Variants in NCMAP observed in about 807,000 individuals in gnomAD.
NCMAP encodes noncompact myelin-associated protein.
Under a neutral mutation model 7.8 loss-of-function variants are expected in NCMAP, and 8 were observed. The ratio of observed to expected loss-of-function variants is 1.02; its 90% CI spans 0.60 to 1.84. The LOEUF (loss-of-function observed/expected upper bound fraction) is 1.84. Ranked by LOEUF, NCMAP falls within the 40% of genes most tolerant of loss-of-function variation. The pLI is 0.00. For missense variants in NCMAP, 112 were observed against 131.4 expected, an observed-to-expected ratio of 0.85 and a Z score of 0.72; for synonymous variants, 41 against 52.9, an observed-to-expected ratio of 0.78 and a Z score of 0.98.
chr1:24,605,278 GA>G (rs1343196206), intron 3 of NCMAP, among the ~76,000 whole-genome samples: 1 of 152,036 alleles, frequency 6.6e-6, no homozygotes, highest in Non-Finnish European at 1.5e-5. Context: ...AATGAGGCTG[GA>G]AAATGTAATA....
chr1:24,567,622 A>C (rs571992015), intron 1 of NCMAP, among the ~76,000 whole-genome samples: 1 of 152,304 alleles, frequency 6.6e-6, no homozygotes, highest in African/African-American at 2.4e-5. Flanking sequence ...AGGAGTCGCA[A>C]AGCCTCCTTT....
At chr1:24,602,658 T>C (rs1257813316) in intron 3 of NCMAP, among the ~76,000 whole-genome samples, 1 of 150,560 alleles carries the variant, frequency 6.6e-6, no homozygotes, top group Non-Finnish European at 1.5e-5. Flanking sequence ...CCCCAGCTAG[T>C]CAGGAGGCTG....
intron 1 of NCMAP, among the ~76,000 whole-genome samples, chr1:24,565,105 C>T (rs1240434740): frequency 2.0e-5 from 3 of 149,144 alleles, no homozygotes; most frequent in Non-Finnish European, 4.4e-5. Flanking sequence ...GAAATAGAAG[C>T]AGTATTTGGC....
Position 24,605,892 on chromosome 1 carries a change from G to A in NCMAP, c.*145G>A. 1 of 984,652 alleles carries A rather than the reference G, an allele frequency of 1.0e-6. No homozygotes were observed. The allele number at this position is 984,652 out of a possible 1,614,324, so 61.0% of individuals were successfully genotyped here. A position where few individuals can be genotyped will look rare whatever the true frequency, so the allele number is the denominator to read the frequency against. On this transcript the variant is annotated 3_prime_UTR_variant, in exon 4 of 4. Transcript: ENST00000374392. ...TTTGACGCAATCTCTGATGCTTCCA[G>A]CAATCCTCAACCTTGTCTGCCCTGC...
chr1:24,573,969 A>AAAAC (rs1274825221), intron 1 of NCMAP, among the ~76,000 whole-genome samples: 1 of 136,782 alleles, frequency 7.3e-6, no homozygotes, highest in Non-Finnish European at 1.6e-5. Context: ...AAAAAAAAAA[A>AAAAC]AACAGAAAAA....
At position 24,595,511 on chromosome 1, in the gene NCMAP, G is replaced by C. The variant is rs1206681907; in HGVS notation, c.81G>C (p.Lys27Asn). Residue 27 changes from lysine to asparagine, a missense_variant and splice_region_variant, in exon 2 of 4, where the codon AAG (lysine) becomes AAC (asparagine). Physicochemically the swap from Lys to Asn is moderately conservative, Grantham distance 94. Coordinates refer to ENST00000374392, the MANE Select transcript of NCMAP (RefSeq NM_001010980.5). ...MTTRGEDFLY[K>N]SSGAIVAAVV... ...CCAGGGGAGAAGACTTCCTGTATAAGAGTAAGGTCAAATTCGCTTAGAGGC... is the reference window on the plus strand; with the variant it reads ...CCAGGGGAGAAGACTTCCTGTATAACAGTAAGGTCAAATTCGCTTAGAGGC... The C allele has an allele frequency of 1.2e-6, 2 of 1,611,542 alleles. No homozygotes were observed. The highest frequency in any genetic ancestry group is 1.1e-5 in the South Asian group (1 of 91,010).
At chr1:24,577,658 C>T (rs1651624740) in intron 1 of NCMAP, among the ~76,000 whole-genome samples, 1 of 151,930 alleles carries the variant, frequency 6.6e-6, no homozygotes, top group Non-Finnish European at 1.5e-5. Flanking sequence ...CCTGCACTCC[C>T]ATCCCCAATT....
chr1:24,568,577 T>C (rs944796819), intron 1 of NCMAP, among the ~76,000 whole-genome samples: 2 of 152,162 alleles, frequency 1.3e-5, no homozygotes, highest in East Asian at 3.8e-4. Flanking sequence ...ATATTTATTA[T>C]TATTAGTAGT....
chr1:24,586,657 G>A (rs1347990487), intron 1 of NCMAP, among the ~76,000 whole-genome samples: 3 of 151,820 alleles, frequency 2.0e-5, no homozygotes, highest in Admixed American at 6.6e-5. Context: ...GCTATTCTGC[G>A]AGGCTGAGGC....
chr1:24,609,165 G>T lies in NCMAP; in HGVS notation c.*3418G>T, dbSNP rs1241081141. 2 of 152,164 alleles carry T rather than the reference G, an allele frequency of 1.3e-5. No individual in the cohort carries two copies. Among genetic ancestry groups the T allele is most frequent in the Non-Finnish European group, 2.9e-5 (2 of 68,030 alleles). 9.4% of individuals were successfully genotyped at this position (152,164 alleles called of 1,614,324 possible). On this transcript the variant is annotated 3_prime_UTR_variant, in exon 4 of 4. Transcript: ENST00000374392. ...TTAAGACACAATTGCTGCTCTCAAG[G>T]AGTTAGCAGCTGGTCTCATGCAGGG...
At chr1:24,566,695 C>A (rs1231008456) in intron 1 of NCMAP, among the ~76,000 whole-genome samples, 2 of 152,150 alleles carry the variant, frequency 1.3e-5, no homozygotes, top group African/African-American at 4.8e-5. Flanking sequence ...AAGTGGCTCC[C>A]CAGGGAAGAG....
At chr1:24,575,643 C>T (rs1303852438) in intron 1 of NCMAP, among the ~76,000 whole-genome samples, 2 of 152,050 alleles carry the variant, frequency 1.3e-5, no homozygotes, top group African/African-American at 4.8e-5. Flanking sequence ...GCAATTGCCC[C>T]GTTTTAAAAC....
chr1:24,560,473 TA>T (rs1651018787), intron 1 of NCMAP, among the ~76,000 whole-genome samples: 1 of 152,156 alleles, frequency 6.6e-6, no homozygotes, highest in African/African-American at 2.4e-5. Context: ...TGTCGTGTAA[TA>T]AAAAACAAAT....
intron 3 of NCMAP, among the ~76,000 whole-genome samples, chr1:24,602,154 C>G (rs9724802): frequency 6.6e-6 from 1 of 152,002 alleles, no homozygotes; most frequent in Admixed American, 6.6e-5. Context: ...TAATCTCAAT[C>G]ATACACATAG....
chr1:24,563,531 CAACAAA>C (rs1651119864), intron 1 of NCMAP: 1 of 49,796 alleles, frequency 2.0e-5, no homozygotes, highest in Non-Finnish European at 3.7e-5. Context: ...TCAAAAACAA[CAACAAA>C]AAAAAAAAAA....
rs545800266 is a variant in NCMAP at position 24,574,720 on chromosome 1, G to A, written c.-8+18551G>A. ...AGTAGACACTGGAGACGGTGTCCAG[G>A]ACAGGTCAGCTCTGAGAGAACCCTG... On this transcript the variant is annotated intron_variant, in intron 1 of 3. Transcript: ENST00000374392. 5.1e-4 allele frequency among the ~76,000 whole-genome samples: 77 copies of A among 151,928 alleles called. 1 individual carries two copies. The highest frequency in any genetic ancestry group is 1.0e-3 in the Admixed American group (16 of 15,270).
At chr1:24,556,962 C>A (rs1409153607) in intron 1 of NCMAP, among the ~76,000 whole-genome samples, 1 of 152,168 alleles carries the variant, frequency 6.6e-6, no homozygotes, top group Non-Finnish European at 1.5e-5. Context: ...CGGGCAAGTC[C>A]ACACTTTTCT....
chr1:24,595,616 G>T (rs1353871339), intron 2 of NCMAP, 104 bp downstream of exon 2: 4 of 847,502 alleles, frequency 4.7e-6, no homozygotes, highest in Non-Finnish European at 7.6e-6. Context: ...GACTGCCTGG[G>T]TCTCAGGCCC....
intron 1 of NCMAP, among the ~76,000 whole-genome samples, chr1:24,569,070 A>G (rs1651312698): frequency 6.6e-6 from 1 of 151,560 alleles, no homozygotes; most frequent in Non-Finnish European, 1.5e-5. Flanking sequence ...GTGCGATCTC[A>G]GCTCACTGCA....
Sources: allele counts gnomAD v4.1 joint callset (sites outside exome capture counted in the v4.1 genomes callset), GRCh38; gene constraint gnomAD v4.1.1; transcripts MANE v1.5; gene names NCBI Gene and HGNC (gene_info 2026-07-23, HGNC 2026-07-21).